Variants in XRRA1 observed in about 807,000 individuals in gnomAD.
XRRA1 encodes X-ray radiation resistance-associated protein 1.
Under a neutral mutation model 80.2 loss-of-function variants are expected in XRRA1, and 69 were observed. That is an observed-to-expected ratio of 0.86 (90% CI 0.71 to 1.05). The LOEUF (loss-of-function observed/expected upper bound fraction) is 1.05. Among genes scored for constraint, XRRA1 ranks in the 50% least tolerant of loss-of-function variants. XRRA1 has a pLI of 0.00. For synonymous variants in XRRA1, 348 were observed against 389.9 expected (o/e 0.89, Z 1.27); for missense variants, 967 against 976.4 (o/e 0.99, Z 0.13).
At chr11:74,897,253 T>C (rs2052543716) in intron 10 of XRRA1, among the ~76,000 whole-genome samples, 1 of 151,782 alleles carries the variant, frequency 6.6e-6, no homozygotes, top group Non-Finnish European at 1.5e-5. Context: ...ATCAGTCTCT[T>C]GAGAGCAGAA....
intron 10 of XRRA1, among the ~76,000 whole-genome samples, chr11:74,868,076 C>T (rs1017664623): frequency 2.6e-5 from 4 of 151,962 alleles, no homozygotes; most frequent in African/African-American, 7.3e-5. Flanking sequence ...CATGCGTCAC[C>T]GCACCTAATT....
intron 8 of XRRA1, among the ~76,000 whole-genome samples, chr11:74,912,788 A>C (rs1452374304): frequency 1.3e-5 from 2 of 152,234 alleles, no homozygotes; most frequent in Non-Finnish European, 2.9e-5. Flanking sequence ...ATAAAATTGA[A>C]CATTCAGTTC....
chr11:74,880,370 T>C (rs2047221432), intron 10 of XRRA1, among the ~76,000 whole-genome samples: 2 of 152,138 alleles, frequency 1.3e-5, no homozygotes, highest in Non-Finnish European at 2.9e-5. Context: ...TTATTAGTCT[T>C]GCTAGCGGTC....
At chr11:74,853,146 A>C (rs1393821541) in intron 12 of XRRA1, among the ~76,000 whole-genome samples, 1 of 152,244 alleles carries the variant, frequency 6.6e-6, no homozygotes, top group East Asian at 1.9e-4. Flanking sequence ...TTGGAGAAAC[A>C]GTAACACAGG....
intron 14 of XRRA1, among the ~76,000 whole-genome samples, chr11:74,848,863 G>T (rs10751241): frequency 0.34 from 52,130 of 152,016 alleles, 9,739 homozygotes; most frequent in East Asian, 0.53. Context: ...GATGAGGGTT[G>T]AACATGGTGC....
At chr11:74,884,815 C>T (rs183714777) in intron 10 of XRRA1, among the ~76,000 whole-genome samples, 6 of 152,264 alleles carry the variant, frequency 3.9e-5, no homozygotes, top group Admixed American at 1.3e-4. Context: ...TAAATACCCA[C>T]ATCAAAAAGT....
chr11:74,853,402 C>T (rs2040369634), intron 12 of XRRA1, among the ~76,000 whole-genome samples: 1 of 152,220 alleles, frequency 6.6e-6, no homozygotes, highest in Non-Finnish European at 1.5e-5. Context: ...GGTCACATGA[C>T]CCAGTTCCAG....
intron 3 of XRRA1, among the ~76,000 whole-genome samples, chr11:74,938,250 T>C (rs1278404439): frequency 6.6e-6 from 1 of 152,246 alleles, no homozygotes; most frequent in African/African-American, 2.4e-5. Context: ...TCCTGCCCTA[T>C]GTCTCATATG....
At chr11:74,909,770 T>C (rs1232027006) in intron 8 of XRRA1, 28 of 152,198 alleles carry the variant, frequency 1.8e-4, no homozygotes, top group Admixed American at 1.8e-3. Flanking sequence ...GCTATTTTTA[T>C]TATCACTTCT....
chr11:74,890,305 G>A (rs2050291594), intron 10 of XRRA1, among the ~76,000 whole-genome samples: 1 of 152,174 alleles, frequency 6.6e-6, no homozygotes, highest in South Asian at 2.1e-4. Context: ...ATGACTACTG[G>A]GTACACAACG....
chr11:74,875,823 A>T (rs1389557740), intron 10 of XRRA1, among the ~76,000 whole-genome samples: 1 of 152,136 alleles, frequency 6.6e-6, no homozygotes, highest in Non-Finnish European at 1.5e-5. Flanking sequence ...GTGAGCTGAG[A>T]TCACACCACT....
At chr11:74,882,462 C>T (rs1319400492) in intron 10 of XRRA1, among the ~76,000 whole-genome samples, 3 of 151,992 alleles carry the variant, frequency 2.0e-5, no homozygotes, top group Non-Finnish European at 4.4e-5. Flanking sequence ...TGAATGTCCT[C>T]CCGTAGCTCA....
At chr11:74,907,619 A>T (rs2138226566) in intron 8 of XRRA1, among the ~76,000 whole-genome samples, 1 of 152,292 alleles carries the variant, frequency 6.6e-6, no homozygotes, top group East Asian at 1.9e-4. Context: ...TCTGCAGATC[A>T]CTGCACAATT....
intron 10 of XRRA1, among the ~76,000 whole-genome samples, chr11:74,882,575 GGA>G (rs1291889249): frequency 3.9e-5 from 6 of 152,212 alleles, no homozygotes; most frequent in African/African-American, 1.4e-4. Flanking sequence ...CTTTGGAGGA[GGA>G]GAGGCGCTCT....
chr11:74,948,993 C>T lies in XRRA1; in HGVS notation c.-138G>A, dbSNP rs1948229376. 6.6e-6 allele frequency: 2 copies of T among 301,274 alleles called. No homozygotes were observed. The highest frequency in any genetic ancestry group is 7.6e-5 in the South Asian group (2 of 26,288). The allele number at this position is 301,274 out of a possible 1,614,324, so 18.7% of individuals were successfully genotyped here. On this transcript the variant is annotated 5_prime_UTR_variant, in exon 1 of 19. Transcript: ENST00000684022. ...GGCGACGTCCCAGTCAGGAGGGATG[C>T]GCGCCTGCGAGCCCCCCGGGGATCT...
chr11:74,889,839 A>C lies in XRRA1; in HGVS notation c.1003+16400T>G, dbSNP rs899350143. Among the ~76,000 whole-genome samples, 11 of 152,126 alleles carry C rather than the reference A, an allele frequency of 7.2e-5. 1 individual carries two copies. Among genetic ancestry groups the C allele is most frequent in the African/African-American group, 2.7e-4 (11 of 41,344 alleles). Reference sequence around the variant, plus strand: ...ATAATGGTAAAGGGATCAATTCAACAAGAAGAGCTAACTATCCTAAATATA... The same window carrying C: ...ATAATGGTAAAGGGATCAATTCAACCAGAAGAGCTAACTATCCTAAATATA... On this transcript the variant is annotated intron_variant, in intron 10 of 18. Transcript: ENST00000684022.
At chr11:74,880,884 A>G (rs1303671248) in intron 10 of XRRA1, among the ~76,000 whole-genome samples, 3 of 151,206 alleles carry the variant, frequency 2.0e-5, no homozygotes, top group African/African-American at 4.9e-5. Flanking sequence ...ACTTCCAACT[A>G]TGTGGTCAAT....
At chr11:74,933,769 AC>A in intron 5 of XRRA1, 31 bp downstream of exon 5, 1 of 1,561,512 alleles carries the variant, frequency 6.4e-7, no homozygotes, top group Non-Finnish European at 8.7e-7. Flanking sequence ...AGTCTGGCTC[AC>A]CCCAATCACA....
intron 1 of XRRA1, among the ~76,000 whole-genome samples, chr11:74,946,896 C>T (rs1470049207): frequency 6.6e-5 from 10 of 152,102 alleles, no homozygotes; most frequent in Admixed American, 4.6e-4. Context: ...GGACTACAGG[C>T]GCCCGCCACC....
Sources: gnomAD v4.1 joint callset for allele counts (sites outside exome capture counted in the v4.1 genomes callset) on GRCh38, gnomAD v4.1.1 for gene constraint, MANE v1.5 for transcripts, NCBI Gene and HGNC (gene_info 2026-07-23, HGNC 2026-07-21) for gene names.